Variants in GALK2 observed in about 807,000 individuals in gnomAD.
GALK2 encodes the protein galactokinase 2.
GALK2 carries 36 observed loss-of-function variants against 52.4 expected under a neutral mutation model. The ratio of observed to expected loss-of-function variants is 0.69; its 90% CI spans 0.53 to 0.91. The LOEUF (loss-of-function observed/expected upper bound fraction) is 0.91, where lower values mean the gene tolerates loss of function less well. GALK2 is among the 40% of genes least tolerant of loss of function. The probability of loss-of-function intolerance (pLI) is 0.00; values close to 1 mark genes in which losing one functional copy is unlikely to be tolerated. For synonymous variants in GALK2, 176 were observed against 199.1 expected (o/e 0.88, Z 0.98); for missense variants, 579 against 559.1 (o/e 1.04, Z -0.36).
Position 49,260,969 on chromosome 15 carries a change from G to C in GALK2, c.505-21018G>C, listed in dbSNP as rs200942585. 3.3e-5 allele frequency among the ~76,000 whole-genome samples: 5 copies of C among 151,982 alleles called. No homozygotes were observed. The East Asian group carries it at 9.7e-4, about 29-fold the overall frequency. On this transcript the variant is annotated intron_variant, in intron 5 of 9. Coordinates refer to ENST00000560031, the MANE Select transcript of GALK2 (RefSeq NM_002044.4). Reference sequence around the variant, plus strand: ...GTACCATGCTGTTTTGGTTACTGTAGCCTTGTAGTATAGTTTGAAGTCAGG... The same window carrying C: ...GTACCATGCTGTTTTGGTTACTGTACCCTTGTAGTATAGTTTGAAGTCAGG...
chr15:49,339,823 C>G (rs890601550), intron 3 of GALK2, among the ~76,000 whole-genome samples: 2 of 152,098 alleles, frequency 1.3e-5, no homozygotes, highest in African/African-American at 2.4e-5. Context: ...ATGCCCTGCC[C>G]GTAGAGGAAT....
rs745400492 is a variant in GALK2 at position 49,319,641 on chromosome 15, G to A, written c.1005G>A (p.Val335=). The A allele has an allele frequency of 2.5e-6, 4 of 1,614,142 alleles. No individual in the cohort carries two copies. The highest frequency in any genetic ancestry group is 3.4e-6 in the Non-Finnish European group (4 of 1,180,036). ...IFKLYQRAKH[V]YSEAARVLQF... ...AACTCTATCAGCGGGCAAAGCATGT[G>A]TACAGCGAGGCTGCGCGAGTGCTCC... is the stretch of plus-strand genomic sequence containing the variant. Residue 335 remains valine (V), a synonymous_variant, in exon 9 of 10, where the codon GTG becomes GTA. Transcript: ENST00000560031.
chr15:49,267,215 G>A (rs1274805864), intron 5 of GALK2, among the ~76,000 whole-genome samples: 1 of 152,180 alleles, frequency 6.6e-6, no homozygotes, highest in Non-Finnish European at 1.5e-5. Context: ...CAGGGTAGGA[G>A]CCAGTGAATG....
intron 9 of GALK2, among the ~76,000 whole-genome samples, chr15:49,321,191 G>T (rs1368805484): frequency 6.6e-6 from 1 of 152,224 alleles, no homozygotes; most frequent in African/African-American, 2.4e-5. Context: ...CTCTGACGAA[G>T]AGATCTTTGA....
At chr15:49,293,090 T>C (rs1056339329) in intron 8 of GALK2, among the ~76,000 whole-genome samples, 2 of 152,188 alleles carry the variant, frequency 1.3e-5, no homozygotes, top group African/African-American at 2.4e-5. Context: ...GACTAGAGGT[T>C]ATCTATTTGT....
At chr15:49,299,730 C>CTTTCTTTCTTTCTTTCTTTCTTTCTTTCT (rs2034824962) in intron 8 of GALK2, among the ~76,000 whole-genome samples, 1 of 45,208 alleles carries the variant, frequency 2.2e-5, no homozygotes, top group East Asian at 5.4e-4. Context: ...TTCTTTCTTT[C>CTTTCTTTCTTTCTTTCTTTCTTTCTTTCT]TTTCTTTTCT....
intron 5 of GALK2, among the ~76,000 whole-genome samples, chr15:49,258,777 CAT>C (rs144138275): frequency 0.1 from 13,768 of 133,478 alleles, 724 homozygotes; most frequent in East Asian, 0.16. Flanking sequence ...TATTTGGAAG[CAT>C]ATATATATAT....
intron 2 of GALK2, among the ~76,000 whole-genome samples, chr15:49,209,340 T>G (rs1211443630): frequency 6.6e-6 from 1 of 152,204 alleles, no homozygotes; most frequent in Non-Finnish European, 1.5e-5. Flanking sequence ...CTTGCCTGAT[T>G]GCTCTGGCTC....
chr15:49,243,155 G>A (rs1054402060), intron 5 of GALK2, among the ~76,000 whole-genome samples: 10 of 152,100 alleles, frequency 6.6e-5, no homozygotes, highest in Non-Finnish European at 1.3e-4. Flanking sequence ...GAAAGCCTTT[G>A]TGAGGACTAT....
chr15:49,238,277 A>T (rs2090930334), intron 4 of GALK2, among the ~76,000 whole-genome samples: 1 of 152,226 alleles, frequency 6.6e-6, no homozygotes, highest in Non-Finnish European at 1.5e-5. Flanking sequence ...AAAGGTTATG[A>T]TATGATATCA....
intron 8 of GALK2, among the ~76,000 whole-genome samples, chr15:49,296,756 C>A (rs1303528374): frequency 6.6e-6 from 1 of 152,084 alleles, no homozygotes; most frequent in East Asian, 1.9e-4. Flanking sequence ...CCTGCCACTA[C>A]GCCCAGCTAA....
intron 1 of GALK2, chr15:49,177,692 C>G: frequency 1.8e-6 from 1 of 561,094 alleles, no homozygotes; most frequent in South Asian, 2.7e-5. Context: ...ATGACCCTAC[C>G]AAGGCCACGG....
Position 49,189,065 on chromosome 15 carries a change from C to T in GALK2, c.54-12097C>T, listed in dbSNP as rs555068171. On this transcript the variant is annotated intron_variant, in intron 1 of 9. Transcript: ENST00000560031. ...CTGGCCTGTTTAGGAATTTGGCTAC[C>T]ATGTATCCCCTGCTTTTTTATAGAT... 5.9e-5 allele frequency among the ~76,000 whole-genome samples: 9 copies of T among 152,202 alleles called. 1 individual carries two copies. Among genetic ancestry groups the T allele is most frequent in the African/African-American group, 2.2e-4 (9 of 41,542 alleles).
Position 49,365,854 on chromosome 15 carries a change from G to T in GALK2, c.427-1637G>T, listed in dbSNP as rs1006108902. On this transcript the variant is annotated intron_variant, in intron 3 of 3. Coordinates refer to the GALK2 transcript ENST00000558399. The stretch of plus-strand genomic sequence containing the variant: ...CATGCTTTTGCCGCGACACTCAATT[G>T]TGCATTGTCCATATGGCATCTTATG... 3.1e-5 allele frequency: 28 copies of T among 900,720 alleles called. No homozygotes were observed. In the African/African-American group the frequency reaches 3.9e-4, roughly 13 times the overall value. 55.8% of individuals were successfully genotyped at this position (900,720 alleles called of 1,614,324 possible). A position where few individuals can be genotyped will look rare whatever the true frequency, so the allele number is the denominator to read the frequency against.
In GALK2 at chr15:49,312,779, T is replaced by G. The variant is rs7165033; in HGVS notation, c.968-6825T>G. Among the ~76,000 whole-genome samples the G allele has an allele frequency of 5.3e-3, 805 of 152,330 alleles. 11 individuals are homozygous for G. Among genetic ancestry groups the G allele is most frequent in the African/African-American group, 0.019 (778 of 41,570 alleles). On this transcript the variant is annotated intron_variant, in intron 8 of 9. Coordinates refer to ENST00000560031, the MANE Select transcript of GALK2 (RefSeq NM_002044.4). Reference sequence around the variant, plus strand: ...AGCTGTCTTCAGATATCTGAAGGGTTACCTTGTGTTTACATATGTCTGGGG... The same window carrying G: ...AGCTGTCTTCAGATATCTGAAGGGTGACCTTGTGTTTACATATGTCTGGGG...
intron 3 of GALK2, among the ~76,000 whole-genome samples, chr15:49,360,968 T>C (rs1412621790): frequency 4.6e-5 from 7 of 152,142 alleles, no homozygotes; most frequent in Admixed American, 4.6e-4. Context: ...AATGTCATCC[T>C]CCCTCTTGTG....
chr15:49,255,102 A>T (rs1427687597), intron 5 of GALK2, among the ~76,000 whole-genome samples: 1 of 143,270 alleles, frequency 7.0e-6, no homozygotes, highest in Non-Finnish European at 1.6e-5. Flanking sequence ...ACACTATATC[A>T]TTGGAACATT....
intron 5 of GALK2, among the ~76,000 whole-genome samples, chr15:49,253,389 T>A (rs757862240): frequency 1.4e-5 from 2 of 144,522 alleles, no homozygotes; most frequent in African/African-American, 2.5e-5. Context: ...GAACCAAAAC[T>A]GTGACTGATT....
At chr15:49,259,922 A>G (rs1478166170) in intron 5 of GALK2, among the ~76,000 whole-genome samples, 2 of 151,730 alleles carry the variant, frequency 1.3e-5, no homozygotes, top group Non-Finnish European at 2.9e-5. Flanking sequence ...ATCATTTTTT[A>G]TGGCTGCATA....
Sources: allele counts gnomAD v4.1 joint callset (sites outside exome capture counted in the v4.1 genomes callset), GRCh38; gene constraint gnomAD v4.1.1; transcripts MANE v1.5; gene names NCBI Gene and HGNC (gene_info 2026-07-23, HGNC 2026-07-21).